EYS: variants seen among roughly 807,000 people sequenced by gnomAD.
The protein encoded by EYS is protein eyes shut homolog.
Under a neutral mutation model 282.1 loss-of-function variants are expected in EYS, and 250 were observed. The observed-to-expected ratio is 0.89, with a 90% CI of 0.80 to 0.98. The LOEUF (loss-of-function observed/expected upper bound fraction) is 0.98. Among genes scored for constraint, EYS ranks in the 50% least tolerant of loss-of-function variants. The pLI, the probability that EYS is intolerant of heterozygous loss-of-function variation, is 0.00. For missense variants in EYS, 4,016 were observed against 3,709.0 expected (o/e 1.08, Z -2.15); for synonymous variants, 1,355 against 1,282.9 (o/e 1.06, Z -1.20).
chr6:64,602,729 G>A (rs1766801053), intron 24 of EYS, among the ~76,000 whole-genome samples: 1 of 151,926 alleles, frequency 6.6e-6, no homozygotes, highest in African/African-American at 2.4e-5. Context: ...ATTTAAACAT[G>A]CATCAAGAAA....
chr6:65,064,677 C>T (rs1407627584), intron 12 of EYS, among the ~76,000 whole-genome samples: 2 of 151,620 alleles, frequency 1.3e-5, no homozygotes, highest in East Asian at 3.9e-4. Flanking sequence ...GGTTCAAACT[C>T]AGGCAGAGAA....
At chr6:64,703,429 A>ATATATATATATTTTTTTTT (rs869208549) in intron 22 of EYS, among the ~76,000 whole-genome samples, 2 of 23,362 alleles carry the variant, frequency 8.6e-5, no homozygotes, top group South Asian at 2.6e-3. Context: ...ATATATATAT[A>ATATATATATATTTTTTTTT]TTTTTTTTTT....
intron 13 of EYS, among the ~76,000 whole-genome samples, chr6:65,018,960 T>C (rs902711040): frequency 2.0e-5 from 3 of 152,150 alleles, no homozygotes; most frequent in African/African-American, 7.2e-5. Flanking sequence ...TATGACATCA[T>C]TTTGGATTCT....
At chr6:63,891,980 T>C (rs1773420455) in intron 35 of EYS, among the ~76,000 whole-genome samples, 2 of 152,120 alleles carry the variant, frequency 1.3e-5, no homozygotes, top group Admixed American at 1.3e-4. Context: ...ACATTTACAA[T>C]TGGTACAAAC....
chr6:64,628,246 GT>G (rs11309731), intron 22 of EYS, among the ~76,000 whole-genome samples: 114,365 of 142,108 alleles, frequency 0.8, 45,730 homozygotes, highest in Middle Eastern at 0.91. Flanking sequence ...CCATAGCAGT[GT>G]TTTTTTTTTT....
intron 41 of EYS, among the ~76,000 whole-genome samples, chr6:63,736,761 A>C (rs1167840921): frequency 1.3e-5 from 2 of 151,556 alleles, no homozygotes; most frequent in Admixed American, 6.6e-5. Flanking sequence ...CTTTTATTTC[A>C]TTGAGCAGTG....
intron 26 of EYS, among the ~76,000 whole-genome samples, chr6:64,585,175 G>C (rs1304142616): frequency 6.6e-6 from 1 of 151,988 alleles, no homozygotes; most frequent in African/African-American, 2.4e-5. Flanking sequence ...CAGCAATAGG[G>C]ATACAGATTG....
chr6:63,778,002 T>G lies in EYS; in HGVS notation c.7898+4A>C. On this transcript the variant is annotated splice_donor_region_variant and intron_variant, in intron 40 of 42. Transcript: ENST00000503581. Reference sequence around the variant, plus strand: ...ACTTTCATTCCTAATAACGTCATACTTACTAAACACTAGTTCCACTCTCTA... The same window carrying G: ...ACTTTCATTCCTAATAACGTCATACGTACTAAACACTAGTTCCACTCTCTA... 2 of 1,551,458 alleles carry G rather than the reference T, an allele frequency of 1.3e-6. No individual in the cohort carries two copies. Among genetic ancestry groups the G allele is most frequent in the Non-Finnish European group, 1.7e-6 (2 of 1,146,732 alleles).
intron 14 of EYS, among the ~76,000 whole-genome samples, chr6:64,990,010 T>C (rs1771010952): frequency 6.6e-6 from 1 of 151,412 alleles, no homozygotes; most frequent in East Asian, 1.9e-4. Context: ...ACAGGCATAC[T>C]TGCACATGTG....
At chr6:64,734,456 AT>A (rs549707014) in intron 22 of EYS, among the ~76,000 whole-genome samples, 1 of 152,284 alleles carries the variant, frequency 6.6e-6, no homozygotes, top group East Asian at 1.9e-4. Flanking sequence ...TTTTGATGTG[AT>A]TTTTTCCACT....
At chr6:64,107,903 C>T (rs1378287395) in intron 31 of EYS, among the ~76,000 whole-genome samples, 2 of 152,048 alleles carry the variant, frequency 1.3e-5, no homozygotes, top group African/African-American at 2.4e-5. Context: ...TCTTAATTCC[C>T]TTTCCCTACT....
chr6:64,874,832 C>A lies in EYS; in HGVS notation c.2992+11865G>T, dbSNP rs942938988. Among the ~76,000 whole-genome samples the A allele has an allele frequency of 8.6e-5, 13 of 152,044 alleles. No individual in the cohort carries two copies. The East Asian group carries it at 1.6e-3, about 18-fold the overall frequency. ...AGCACTGACTTCTTGTATTTTGAGC[C>A]TGAACGTGCCTGTATGCTAAGGTAG... On this transcript the variant is annotated intron_variant, in intron 19 of 42. Coordinates refer to ENST00000503581, the MANE Select transcript of EYS (RefSeq NM_001142800.2).
chr6:64,604,248 A>C (rs1766855610), intron 24 of EYS, among the ~76,000 whole-genome samples: 1 of 151,990 alleles, frequency 6.6e-6, no homozygotes, highest in African/African-American at 2.4e-5. Context: ...GTCTTTTCCT[A>C]GGGGAGGATG....
chr6:64,987,907 C>T (rs975973990), intron 14 of EYS, among the ~76,000 whole-genome samples: 3 of 151,386 alleles, frequency 2.0e-5, no homozygotes, highest in African/African-American at 7.3e-5. Context: ...ATATTTAATA[C>T]ACTTGTGTTT....
intron 31 of EYS, among the ~76,000 whole-genome samples, chr6:64,156,566 T>C (rs1231953958): frequency 1.3e-5 from 2 of 152,060 alleles, no homozygotes; most frequent in South Asian, 2.1e-4. Context: ...GATAGGAAAA[T>C]GTGGAAAGTT....
At chr6:64,652,046 T>C (rs1484787597) in intron 22 of EYS, among the ~76,000 whole-genome samples, 1 of 152,186 alleles carries the variant, frequency 6.6e-6, no homozygotes, top group Non-Finnish European at 1.5e-5. Context: ...TTACAAAAAT[T>C]TGCATTTACT....
At chr6:64,517,173 G>T (rs1464887640) in intron 26 of EYS, among the ~76,000 whole-genome samples, 2 of 151,700 alleles carry the variant, frequency 1.3e-5, no homozygotes, top group African/African-American at 2.4e-5. Flanking sequence ...TCTGGGTTTA[G>T]TAATGAGCAG....
chr6:64,760,856 T>C (rs1773134791), intron 22 of EYS, among the ~76,000 whole-genome samples: 1 of 152,136 alleles, frequency 6.6e-6, no homozygotes. Context: ...AGATGAGACA[T>C]ACTGAAAGAG....
rs149716870 is a variant in EYS at position 64,525,006 on chromosome 6, A to G, written c.5644+65217T>C. 8.9e-4 allele frequency among the ~76,000 whole-genome samples: 135 copies of G among 151,916 alleles called. 1 individual carries two copies. The highest frequency in any genetic ancestry group is 1.4e-3 in the Non-Finnish European group (94 of 67,820). ...GTCTCACAGCAGTCAGAATGCTATT[A>G]ATAAAAAGTCAAAAAACAACAGATG... On this transcript the variant is annotated intron_variant, in intron 26 of 42. Coordinates refer to ENST00000503581, the MANE Select transcript of EYS (RefSeq NM_001142800.2).
Sources: allele counts gnomAD v4.1 joint callset (sites outside exome capture counted in the v4.1 genomes callset), GRCh38; gene constraint gnomAD v4.1.1; transcripts MANE v1.5; gene names NCBI Gene and HGNC (gene_info 2026-07-23, HGNC 2026-07-21).